Variants in NRXN3 observed in about 807,000 individuals in gnomAD.
NRXN3 encodes neurexin 3, also known as neurexin III.
A neutral mutation model predicts 137.6 loss-of-function variants in NRXN3; 32 were observed. That is an observed-to-expected ratio of 0.23 (90% CI 0.18 to 0.31). NRXN3 has a LOEUF of 0.31. NRXN3 is among the 10% of genes least tolerant of loss of function. The pLI is 1.00. For missense variants in NRXN3, 1,574 were observed against 2,062.5 expected, an observed-to-expected ratio of 0.76 and a Z score of 4.59; for synonymous variants, 798 against 784.5, an observed-to-expected ratio of 1.02 and a Z score of -0.29.
chr14:79,774,227 T>G (rs970408375), intron 19 of NRXN3, among the ~76,000 whole-genome samples: 2 of 152,160 alleles, frequency 1.3e-5, no homozygotes, highest in African/African-American at 4.8e-5. Flanking sequence ...CTGGGGTTTG[T>G]TGAGTGTCTG....
intron 15 of NRXN3, among the ~76,000 whole-genome samples, chr14:79,180,589 A>T (rs2062819091): frequency 6.6e-6 from 1 of 152,140 alleles, no homozygotes; most frequent in Non-Finnish European, 1.5e-5. Flanking sequence ...TAAGTCCCTC[A>T]TCTTAACAGC....
At chr14:79,796,538 T>A (rs1295668340) in intron 19 of NRXN3, among the ~76,000 whole-genome samples, 1 of 152,040 alleles carries the variant, frequency 6.6e-6, no homozygotes, top group Non-Finnish European at 1.5e-5. Context: ...GAAAAAAAAA[T>A]TAAACTGCTG....
At chr14:78,234,443 A>G (rs1472406312) in intron 1 of NRXN3, among the ~76,000 whole-genome samples, 1 of 152,236 alleles carries the variant, frequency 6.6e-6, no homozygotes, top group Non-Finnish European at 1.5e-5. Context: ...AGAGAAGACA[A>G]CGGAGGCATG....
At chr14:79,748,890 T>C (rs1162491460) in intron 19 of NRXN3, among the ~76,000 whole-genome samples, 1 of 151,598 alleles carries the variant, frequency 6.6e-6, no homozygotes, top group Non-Finnish European at 1.5e-5. Context: ...TTTGCAAACA[T>C]TGTGATTGTG....
intron 16 of NRXN3, among the ~76,000 whole-genome samples, chr14:79,560,665 C>A (rs575958095): frequency 6.6e-6 from 1 of 151,792 alleles, no homozygotes; most frequent in South Asian, 2.1e-4. Context: ...CATGCACCTC[C>A]ACGCCTGGGA....
chr14:78,847,787 G>C (rs1364772646), intron 10 of NRXN3, among the ~76,000 whole-genome samples: 1 of 152,090 alleles, frequency 6.6e-6, no homozygotes, highest in African/African-American at 2.4e-5. Context: ...TGGTGAGAGT[G>C]CAACTACGTT....
At chr14:79,305,404 G>C (rs1276779930) in intron 15 of NRXN3, among the ~76,000 whole-genome samples, 2 of 151,984 alleles carry the variant, frequency 1.3e-5, no homozygotes, top group African/African-American at 4.8e-5. Context: ...AACACCTAGA[G>C]ATTCCACAGC....
intron 15 of NRXN3, among the ~76,000 whole-genome samples, chr14:79,051,886 C>A (rs1015198195): frequency 6.6e-6 from 1 of 152,162 alleles, no homozygotes; most frequent in Non-Finnish European, 1.5e-5. Context: ...TTTTCCATCT[C>A]CCCTGGCTAA....
chr14:79,467,432 TTA>T lies in NRXN3; in HGVS notation c.3444+32_3444+33del, dbSNP rs764616595. On this transcript the variant is annotated intron_variant, in intron 16 of 20. Transcript: ENST00000335750. The stretch of plus-strand genomic sequence containing the variant: ...GTACAGGGCCTTGGCCTGGATTTTC[TTA>T]TGTTACTGGTGGTCTGAGTTAGTGA... The T allele has an allele frequency of 2.3e-5, 35 of 1,551,296 alleles. No homozygotes were observed. In the South Asian group the frequency reaches 3.8e-4, roughly 17 times the overall value.
intron 19 of NRXN3, among the ~76,000 whole-genome samples, chr14:79,762,502 A>G (rs183523367): frequency 6.6e-6 from 1 of 151,314 alleles, no homozygotes; most frequent in Admixed American, 6.6e-5. Flanking sequence ...TTTTTTTCTT[A>G]AAAGGTAAAA....
rs115705404 is a variant in NRXN3, at chr14:78,754,209, C to G, written c.2044+39070C>G. Among the ~76,000 whole-genome samples the G allele has an allele frequency of 1.3e-3, 191 of 152,252 alleles. 1 individual carries two copies. Among genetic ancestry groups the G allele is most frequent in the African/African-American group, 4.5e-3 (187 of 41,540 alleles). On this transcript the variant is annotated intron_variant, in intron 8 of 20. Coordinates refer to ENST00000335750, the MANE Select transcript of NRXN3 (RefSeq NM_001330195.2). ...CTACTCTGAGTTGGGTTTTGGTTTG[C>G]TTAGGTAGGAACCCACCACACTGGA...
rs549707897 is a variant in NRXN3, at chr14:78,656,915, C to T, written c.1221+5589C>T. Among the ~76,000 whole-genome samples the T allele has an allele frequency of 5.9e-5, 9 of 151,884 alleles. No homozygotes were observed. The East Asian group carries it at 9.8e-4, about 16-fold the overall frequency. On this transcript the variant is annotated intron_variant, in intron 6 of 20. Transcript: ENST00000335750. ...AATCAAAATTAGCTGGGCGTGGTGG[C>T]GGGCACCTGTAGTCCCAGCTACTTG...
chr14:79,251,637 T>C (rs1302600052), intron 15 of NRXN3, among the ~76,000 whole-genome samples: 1 of 152,094 alleles, frequency 6.6e-6, no homozygotes, highest in African/African-American at 2.4e-5. Flanking sequence ...GCTGAATCCA[T>C]GGGAGGATTC....
chr14:79,534,236 A>G (rs1057239030), intron 16 of NRXN3, among the ~76,000 whole-genome samples: 2 of 152,190 alleles, frequency 1.3e-5, no homozygotes, highest in African/African-American at 4.8e-5. Flanking sequence ...CTATTGGTAT[A>G]CTTGGTTTAG....
intron 15 of NRXN3, among the ~76,000 whole-genome samples, chr14:79,336,880 A>G (rs557745196): frequency 6.9e-4 from 105 of 152,240 alleles, no homozygotes; most frequent in African/African-American, 2.3e-3. Context: ...AACATCTTAC[A>G]TATTTTACTA....
At chr14:79,282,512 T>TCC (rs1239487382) in intron 15 of NRXN3, among the ~76,000 whole-genome samples, 2 of 152,126 alleles carry the variant, frequency 1.3e-5, no homozygotes, top group African/African-American at 4.8e-5. Context: ...TCTCTCTCTC[T>TCC]CTCATAAAGG....
chr14:79,686,013 G>A (rs1028778520), intron 17 of NRXN3, among the ~76,000 whole-genome samples: 1 of 152,124 alleles, frequency 6.6e-6, no homozygotes, highest in Non-Finnish European at 1.5e-5. Context: ...GACATGATAG[G>A]CCAGGTGTGG....
At chr14:78,904,057 G>A (rs765172565) in intron 10 of NRXN3, among the ~76,000 whole-genome samples, 3 of 151,984 alleles carry the variant, frequency 2.0e-5, no homozygotes, top group Non-Finnish European at 4.4e-5. Context: ...GGACAATTAT[G>A]TCTATTTGCA....
At chr14:78,425,381 T>C (rs1190290432) in intron 4 of NRXN3, among the ~76,000 whole-genome samples, 1 of 152,204 alleles carries the variant, frequency 6.6e-6, no homozygotes, top group Non-Finnish European at 1.5e-5. Flanking sequence ...CCAGGAATCT[T>C]GGTGGCAGTA....
Sources: gnomAD v4.1 joint callset for allele counts (sites outside exome capture counted in the v4.1 genomes callset) on GRCh38, gnomAD v4.1.1 for gene constraint, MANE v1.5 for transcripts, NCBI Gene and HGNC (gene_info 2026-07-23, HGNC 2026-07-21) for gene names.